The following SNTG1 variants were observed in gnomAD, a reference collection of about 807,000 sequenced individuals.
The protein encoded by SNTG1 is gamma-1-syntrophin.
SNTG1 carries 39 observed loss-of-function variants against 74.7 expected under a neutral mutation model. The observed-to-expected ratio is 0.52, with a 90% CI of 0.40 to 0.68. The LOEUF is 0.68. Ranked by LOEUF, SNTG1 falls within the 30% of genes least tolerant of loss-of-function variation. The pLI is 0.00. For synonymous variants in SNTG1, 254 were observed against 217.1 expected (o/e 1.17, Z -1.49); for missense variants, 685 against 609.5 (o/e 1.12, Z -1.30).
chr8:50,435,488 G>T (rs1271173888), intron 4 of SNTG1, among the ~76,000 whole-genome samples: 1 of 152,062 alleles, frequency 6.6e-6, no homozygotes, highest in Admixed American at 6.6e-5. Flanking sequence ...CGTCTATTTT[G>T]GGAGGAGGAA....
At chr8:50,004,324 C>T (rs1815015072) in intron 1 of SNTG1, among the ~76,000 whole-genome samples, 1 of 152,044 alleles carries the variant, frequency 6.6e-6, no homozygotes, top group African/African-American at 2.4e-5. Context: ...ATGTTTATTC[C>T]TAGTTAATTT....
At chr8:49,944,500 T>G (rs1808981611) in intron 1 of SNTG1, among the ~76,000 whole-genome samples, 1 of 144,008 alleles carries the variant, frequency 6.9e-6, no homozygotes, top group African/African-American at 2.6e-5. Flanking sequence ...ACACTGCATG[T>G]TCTCACTCAT....
At chr8:50,258,556 T>A (rs1276845619) in intron 2 of SNTG1, among the ~76,000 whole-genome samples, 1 of 152,146 alleles carries the variant, frequency 6.6e-6, no homozygotes, top group Non-Finnish European at 1.5e-5. Flanking sequence ...TGATAATATC[T>A]AATTAACTAG....
intron 2 of SNTG1, among the ~76,000 whole-genome samples, chr8:50,306,083 T>A (rs909308898): frequency 6.7e-6 from 1 of 148,524 alleles, no homozygotes; most frequent in Non-Finnish European, 1.5e-5. Context: ...AAGTCCATTG[T>A]ATCACTTTGT....
At chr8:49,927,558 G>T (rs569756288) in intron 1 of SNTG1, among the ~76,000 whole-genome samples, 1 of 152,178 alleles carries the variant, frequency 6.6e-6, no homozygotes, top group African/African-American at 2.4e-5. Context: ...AGTGAAAGAA[G>T]CTAACCTAGA....
intron 14 of SNTG1, among the ~76,000 whole-genome samples, chr8:50,657,882 C>A (rs1183596012): frequency 6.6e-6 from 1 of 152,026 alleles, no homozygotes; most frequent in East Asian, 1.9e-4. Context: ...TCAGAAGACA[C>A]TTAATAAATA....
At chr8:50,518,316 G>A (rs1001899939) in intron 9 of SNTG1, among the ~76,000 whole-genome samples, 1 of 152,124 alleles carries the variant, frequency 6.6e-6, no homozygotes, top group Non-Finnish European at 1.5e-5. Flanking sequence ...AGTGTTTAGA[G>A]GGAAATTTAT....
At chr8:49,971,697 C>A (rs1001137290) in intron 1 of SNTG1, among the ~76,000 whole-genome samples, 2 of 152,116 alleles carry the variant, frequency 1.3e-5, no homozygotes, top group Non-Finnish European at 2.9e-5. Flanking sequence ...GTGCAAAAAT[C>A]ACAAGCATTC....
At chr8:50,618,523 T>TA (rs1419958908) in intron 13 of SNTG1, among the ~76,000 whole-genome samples, 1 of 152,188 alleles carries the variant, frequency 6.6e-6, no homozygotes, top group Non-Finnish European at 1.5e-5. Flanking sequence ...CCAAGAGGCT[T>TA]AAAACAGCAC....
intron 8 of SNTG1, among the ~76,000 whole-genome samples, chr8:50,481,351 A>T (rs2131817867): frequency 6.6e-6 from 1 of 152,346 alleles, no homozygotes; most frequent in African/African-American, 2.4e-5. Context: ...ATTGCACTCC[A>T]GCATGGGCGA....
chr8:50,290,178 C>T (rs1337089320), intron 2 of SNTG1, among the ~76,000 whole-genome samples: 3 of 152,160 alleles, frequency 2.0e-5, no homozygotes, highest in Admixed American at 2.0e-4. Context: ...TCATGTTTCT[C>T]AGACCCTCTT....
At chr8:50,620,472 G>T (rs1379689512) in intron 13 of SNTG1, among the ~76,000 whole-genome samples, 1 of 152,120 alleles carries the variant, frequency 6.6e-6, no homozygotes, top group Non-Finnish European at 1.5e-5. Flanking sequence ...CCATGTTCTG[G>T]GGTTTGGGAG....
intron 2 of SNTG1, among the ~76,000 whole-genome samples, chr8:50,179,965 G>T (rs2083141561): frequency 6.6e-6 from 1 of 152,154 alleles, no homozygotes; most frequent in Non-Finnish European, 1.5e-5. Flanking sequence ...GCATCTGGTA[G>T]AAATATCTGC....
intron 1 of SNTG1, among the ~76,000 whole-genome samples, chr8:50,109,521 T>C (rs571162737): frequency 6.6e-6 from 1 of 152,264 alleles, no homozygotes; most frequent in African/African-American, 2.4e-5. Flanking sequence ...TCTCAAATTA[T>C]GTTCTGCAGC....
intron 12 of SNTG1, among the ~76,000 whole-genome samples, chr8:50,568,301 A>G (rs563329437): frequency 6.6e-6 from 1 of 151,412 alleles, no homozygotes; most frequent in South Asian, 2.1e-4. Context: ...TAGTGCTGCA[A>G]TAAACATGGG....
At chr8:50,026,417 G>A (rs1472129060) in intron 1 of SNTG1, among the ~76,000 whole-genome samples, 3 of 152,106 alleles carry the variant, frequency 2.0e-5, no homozygotes, top group Admixed American at 6.6e-5. Context: ...CATGTCCAGC[G>A]AGTTGGCTCA....
chr8:50,259,512 G>A (rs13269359), intron 2 of SNTG1, among the ~76,000 whole-genome samples: 4,246 of 12,480 alleles, frequency 0.34, 1,605 homozygotes, highest in East Asian at 0.87. Flanking sequence ...AAAAAAAAAA[G>A]AAAGAAAGAA....
chr8:49,937,921 C>G lies in SNTG1; in HGVS notation c.-103+25690C>G, dbSNP rs1014204691. 2.0e-5 allele frequency among the ~76,000 whole-genome samples: 3 copies of G among 152,244 alleles called. No individual in the cohort carries two copies. In the East Asian group the frequency reaches 5.8e-4, roughly 29 times the overall value. On this transcript the variant is annotated intron_variant, in intron 1 of 18. Coordinates refer to ENST00000642720, the MANE Select transcript of SNTG1 (RefSeq NM_018967.5). ...TGAAACATTATTCCTGTCAGATCCACAAGCTAATATTTTTGGCATAGTCAT... is the reference window on the plus strand; with the variant it reads ...TGAAACATTATTCCTGTCAGATCCAGAAGCTAATATTTTTGGCATAGTCAT...
chr8:50,645,120 T>C (rs1585940718), intron 13 of SNTG1, among the ~76,000 whole-genome samples: 1 of 152,042 alleles, frequency 6.6e-6, no homozygotes, highest in South Asian at 2.1e-4. Flanking sequence ...ATCAGAAAAA[T>C]GTTCTTTTTA....
Sources: allele counts gnomAD v4.1 joint callset (sites outside exome capture counted in the v4.1 genomes callset), GRCh38; gene constraint gnomAD v4.1.1; transcripts MANE v1.5; gene names NCBI Gene and HGNC (gene_info 2026-07-23, HGNC 2026-07-21).